TRDN: variants seen among roughly 807,000 people sequenced by gnomAD.
TRDN encodes triadin in skeletal muscle.
A neutral mutation model predicts 149.7 loss-of-function variants in TRDN; 161 were observed. The ratio of observed to expected loss-of-function variants is 1.08; its 90% confidence interval spans 0.95 to 1.23. TRDN has a LOEUF of 1.23. Ranked by LOEUF, TRDN falls within the 50% of genes most tolerant of loss-of-function variation. The pLI is 0.00. For missense variants in TRDN, 896 were observed against 823.5 expected, an observed-to-expected ratio of 1.09 and a Z score of -1.08; for synonymous variants, 294 against 250.5, an observed-to-expected ratio of 1.17 and a Z score of -1.64.
intron 1 of TRDN, among the ~76,000 whole-genome samples, chr6:123,635,385 G>A (rs555033284): frequency 1.9e-4 from 29 of 151,154 alleles, no homozygotes; most frequent in Admixed American, 1.8e-3. Flanking sequence ...TTTAAATGTT[G>A]GTAATGCTGG....
At chr6:123,516,234 A>G (rs1779405177) in intron 5 of TRDN, 28 bp from the exon 6 acceptor site, 1 of 1,450,496 alleles carries the variant, frequency 6.9e-7, no homozygotes, top group Non-Finnish European at 9.2e-7. Context: ...AATAGTTTTC[A>G]TTTAAATAAC....
chr6:123,317,520 A>G (rs1479113976), intron 23 of TRDN, among the ~76,000 whole-genome samples: 7 of 151,972 alleles, frequency 4.6e-5, no homozygotes, highest in Non-Finnish European at 8.8e-5. Flanking sequence ...TTCCGATAAT[A>G]CTTGAGTGCA....
chr6:123,530,310 A>T (rs190985982), intron 5 of TRDN, among the ~76,000 whole-genome samples, 196 bp downstream of exon 5: 1 of 151,032 alleles, frequency 6.6e-6, no homozygotes, highest in East Asian at 1.9e-4. Context: ...CATCTATTAA[A>T]TATTATTTAT....
At chr6:123,584,232 C>G (rs1279889225) in intron 1 of TRDN, among the ~76,000 whole-genome samples, 2 of 152,058 alleles carry the variant, frequency 1.3e-5, no homozygotes, top group Non-Finnish European at 2.9e-5. Flanking sequence ...AGAGTGAGTA[C>G]AGCTGAAGGA....
At position 123,464,893 on chromosome 6, in the gene TRDN, A is replaced by T; in HGVS notation, c.931+13T>A. On this transcript the variant is annotated intron_variant, in intron 10 of 40. Transcript: ENST00000334268. ...CTACAATAGAGATCTTTAAGAAAAAAAAAAGTACTTGCCTTCAAGGGCAGG... is the reference window on the plus strand; with the variant it reads ...CTACAATAGAGATCTTTAAGAAAAATAAAAGTACTTGCCTTCAAGGGCAGG... 2.6e-6 allele frequency: 4 copies of T among 1,565,550 alleles called. No homozygotes were observed. Among genetic ancestry groups the T allele is most frequent in the Non-Finnish European group, 3.5e-6 (4 of 1,154,144 alleles).
chr6:123,281,424 C>T (rs1244310980), intron 24 of TRDN, among the ~76,000 whole-genome samples: 1 of 151,998 alleles, frequency 6.6e-6, no homozygotes, highest in Non-Finnish European at 1.5e-5. Flanking sequence ...AGAGGAAAGT[C>T]ACTTTTGGCC....
At chr6:123,483,293 G>A (rs902373984) in intron 9 of TRDN, among the ~76,000 whole-genome samples, 13 of 151,326 alleles carry the variant, frequency 8.6e-5, no homozygotes, top group African/African-American at 3.2e-4. Context: ...TAGTAGAGAC[G>A]GGGTTTCACC....
Position 123,438,056 on chromosome 6 carries a change from G to T in TRDN, c.1051+7C>A, listed in dbSNP as rs767743181. 9 of 1,596,334 alleles carry T rather than the reference G, an allele frequency of 5.6e-6. No homozygotes were observed. The highest frequency in any genetic ancestry group is 6.8e-6 in the Non-Finnish European group (8 of 1,171,226). On this transcript the variant is annotated splice_region_variant and intron_variant, in intron 12 of 40. Coordinates refer to ENST00000334268, the MANE Select transcript of TRDN (RefSeq NM_006073.4). ...ATCCATCTAAGGAAACAAAGAAAGT[G>T]CAATACCTTTTTTTTCCACATCAAT...
intron 23 of TRDN, among the ~76,000 whole-genome samples, chr6:123,320,050 T>C (rs1430309682): frequency 2.0e-5 from 3 of 152,120 alleles, no homozygotes; most frequent in Non-Finnish European, 2.9e-5. Flanking sequence ...ATTCAATATA[T>C]AAATCCCAAT....
At chr6:123,446,584 C>CAAAAAAAAAAAAAAAAAA in intron 10 of TRDN, among the ~76,000 whole-genome samples, 1 of 61,090 alleles carries the variant, frequency 1.6e-5, no homozygotes, top group Non-Finnish European at 3.0e-5. Context: ...GATTCCATCT[C>CAAAAAAAAAAAAAAAAAA]AAAAAAAAAA....
At chr6:123,299,962 T>A (rs1982034) in intron 24 of TRDN, among the ~76,000 whole-genome samples, 2 of 152,032 alleles carry the variant, frequency 1.3e-5, no homozygotes, top group South Asian at 4.1e-4. Flanking sequence ...TCTGTCAGAG[T>A]AACTTACAAA....
At chr6:123,247,125 G>A (rs1776210648) in intron 38 of TRDN, among the ~76,000 whole-genome samples, 1 of 152,144 alleles carries the variant, frequency 6.6e-6, no homozygotes, top group South Asian at 2.1e-4. Context: ...AGCTATTTAT[G>A]ACAAACCCAC....
At chr6:123,595,449 A>C (rs1783987652) in intron 1 of TRDN, among the ~76,000 whole-genome samples, 1 of 152,120 alleles carries the variant, frequency 6.6e-6, no homozygotes, top group Non-Finnish European at 1.5e-5. Flanking sequence ...TTACTAAGTG[A>C]ACTTACCATA....
intron 2 of TRDN, among the ~76,000 whole-genome samples, chr6:123,564,616 T>C (rs1484163501): frequency 2.0e-5 from 3 of 152,180 alleles, no homozygotes; most frequent in Non-Finnish European, 4.4e-5. Flanking sequence ...AAAATCTATT[T>C]AAAAGGCACA....
chr6:123,507,717 G>A (rs1369562618), intron 7 of TRDN, among the ~76,000 whole-genome samples: 1 of 152,012 alleles, frequency 6.6e-6, no homozygotes, highest in Non-Finnish European at 1.5e-5. Context: ...TTTTATTTAG[G>A]AAGGCATTTT....
intron 1 of TRDN, among the ~76,000 whole-genome samples, chr6:123,613,189 A>G (rs1348417399): frequency 6.6e-6 from 1 of 152,218 alleles, no homozygotes; most frequent in Non-Finnish European, 1.5e-5. Flanking sequence ...GTGTGCCAAC[A>G]GTATCCTAGA....
intron 12 of TRDN, among the ~76,000 whole-genome samples, chr6:123,406,967 A>G (rs1773219121): frequency 6.6e-6 from 1 of 152,046 alleles, no homozygotes; most frequent in African/African-American, 2.4e-5. Flanking sequence ...AAAGAAACCC[A>G]CAATACCTTC....
intron 24 of TRDN, among the ~76,000 whole-genome samples, chr6:123,299,139 G>A (rs1397635870): frequency 6.6e-6 from 1 of 151,906 alleles, no homozygotes; most frequent in Non-Finnish European, 1.5e-5. Context: ...TCCTTTAGGT[G>A]GGTCTTAGGG....
intron 14 of TRDN, among the ~76,000 whole-genome samples, chr6:123,388,059 A>T (rs981934541): frequency 6.6e-6 from 1 of 152,044 alleles, no homozygotes; most frequent in Non-Finnish European, 1.5e-5. Flanking sequence ...GAAAAGCGGT[A>T]TATAAGCCAG....
Sources: allele counts gnomAD v4.1 joint callset (sites outside exome capture counted in the v4.1 genomes callset), GRCh38; gene constraint gnomAD v4.1.1; transcripts MANE v1.5; gene names NCBI Gene and HGNC (gene_info 2026-07-23, HGNC 2026-07-21).